MED13L: variants seen among roughly 807,000 people sequenced by gnomAD.
The protein encoded by MED13L is mediator of RNA polymerase II transcription subunit 13-like.
Under a neutral mutation model 220.9 loss-of-function variants are expected in MED13L, and 7 were observed. That is an observed-to-expected ratio of 0.03 (90% CI 0.02 to 0.06). MED13L has a LOEUF of 0.06. MED13L is among the 10% of genes least tolerant of loss of function. MED13L has a pLI of 1.00. For missense variants in MED13L, 1,965 were observed against 2,760.5 expected (o/e 0.71, Z 6.46); for synonymous variants, 1,011 against 1,015.2 (o/e 1.00, Z 0.08).
At chr12:115,968,055 C>A (rs1390554257) in intron 28 of MED13L, among the ~76,000 whole-genome samples, 1 of 35,706 alleles carries the variant, frequency 2.8e-5, no homozygotes, top group African/African-American at 1.4e-4. Context: ...AATAAAAGTC[C>A]CCCCCCCCCC....
At chr12:116,204,348 G>A (rs189448474) in intron 2 of MED13L, among the ~76,000 whole-genome samples, 34 of 152,314 alleles carry the variant, frequency 2.2e-4, no homozygotes, top group Admixed American at 1.2e-3. Flanking sequence ...CTGAATTGCT[G>A]TATTCCATGA....
chr12:116,236,797 A>G (rs1253175895), intron 2 of MED13L: 1 of 954,910 alleles, frequency 1.0e-6, no homozygotes, highest in African/African-American at 1.8e-5. Flanking sequence ...TATATAAAGC[A>G]GCACAGAAAA....
chr12:115,982,977 T>C (rs1043764409), intron 21 of MED13L, 140 bp downstream of exon 21: 2 of 885,270 alleles, frequency 2.3e-6, no homozygotes, highest in East Asian at 2.6e-5. Context: ...AGATCGACCA[T>C]TGCCCCTTTC....
chr12:116,059,566 C>T (rs578218855), intron 4 of MED13L, among the ~76,000 whole-genome samples: 7 of 151,796 alleles, frequency 4.6e-5, no homozygotes, highest in South Asian at 2.1e-4. Context: ...TACAGACGCC[C>T]GCCACCATGC....
intron 18 of MED13L, 48 bp from the exon 19 acceptor site, chr12:115,986,537 A>G: frequency 6.4e-7 from 1 of 1,570,994 alleles, no homozygotes; most frequent in Non-Finnish European, 8.7e-7. Flanking sequence ...TTTTTCCCAC[A>G]ACCTTACAAT....
chr12:115,983,730 T>C (rs1455262082), intron 20 of MED13L, among the ~76,000 whole-genome samples, 190 bp from the exon 21 acceptor site: 1 of 152,202 alleles, frequency 6.6e-6, no homozygotes, highest in Non-Finnish European at 1.5e-5. Flanking sequence ...ATGGAGCAAC[T>C]TATAAATTCT....
chr12:116,084,757 G>C (rs553510329), intron 4 of MED13L, among the ~76,000 whole-genome samples: 103 of 150,000 alleles, frequency 6.9e-4, no homozygotes, highest in African/African-American at 2.4e-3. Flanking sequence ...CTGGGTGACA[G>C]AGCAGGACCC....
chr12:115,984,951 T>C (rs189765100), intron 19 of MED13L, among the ~76,000 whole-genome samples: 2 of 151,982 alleles, frequency 1.3e-5, no homozygotes, highest in African/African-American at 4.8e-5. Context: ...GCAGGGAATA[T>C]AATAAACCTG....
intron 2 of MED13L, among the ~76,000 whole-genome samples, chr12:116,236,438 T>C (rs1870089300): frequency 6.6e-6 from 1 of 152,040 alleles, no homozygotes; most frequent in East Asian, 1.9e-4. Flanking sequence ...AGGAAATCCT[T>C]CAGGCAAATG....
intron 2 of MED13L, among the ~76,000 whole-genome samples, chr12:116,185,458 A>G (rs555344168): frequency 2.0e-5 from 3 of 152,120 alleles, no homozygotes; most frequent in South Asian, 2.1e-4. Flanking sequence ...TTGTAAGACT[A>G]TAACTGCTAT....
chr12:116,035,792 C>A (rs1036436708), intron 4 of MED13L, among the ~76,000 whole-genome samples: 2 of 151,882 alleles, frequency 1.3e-5, no homozygotes, highest in Non-Finnish European at 2.9e-5. Flanking sequence ...GGTTTTGCTA[C>A]GTTGCCCAGG....
At chr12:116,176,005 G>A (rs1053411637) in intron 2 of MED13L, among the ~76,000 whole-genome samples, 3 of 152,082 alleles carry the variant, frequency 2.0e-5, no homozygotes, top group Admixed American at 6.5e-5. Context: ...CAAAAGTCTC[G>A]ATCCCAGACA....
At chr12:116,195,479 A>G (rs1281317463) in intron 2 of MED13L, among the ~76,000 whole-genome samples, 1 of 152,130 alleles carries the variant, frequency 6.6e-6, no homozygotes, top group East Asian at 1.9e-4. Flanking sequence ...TTTTTGAGAT[A>G]GAGTCTGGCT....
In MED13L at chr12:116,022,443, C is replaced by A. The variant is rs772974377; in HGVS notation, c.625+13G>T. 3 of 1,613,462 alleles carry A rather than the reference C, an allele frequency of 1.9e-6. No homozygotes were observed. The highest frequency in any genetic ancestry group is 1.7e-6 in the Non-Finnish European group (2 of 1,179,650). Reference sequence around the variant, plus strand: ...GGCGGATAGGGGTGGAGAGCAGGAACACCCATACTTACCTTGAAATGGTGC... The same window carrying A: ...GGCGGATAGGGGTGGAGAGCAGGAAAACCCATACTTACCTTGAAATGGTGC... On this transcript the variant is annotated intron_variant, in intron 5 of 30. Transcript: ENST00000281928.
chr12:116,125,963 A>G (rs1436850863), intron 2 of MED13L, among the ~76,000 whole-genome samples: 2 of 152,240 alleles, frequency 1.3e-5, no homozygotes, highest in Non-Finnish European at 2.9e-5. Context: ...GACAGAATGT[A>G]CAATTCTCCC....
chr12:116,066,038 T>C (rs900714137), intron 4 of MED13L, among the ~76,000 whole-genome samples: 3 of 152,208 alleles, frequency 2.0e-5, no homozygotes, highest in Non-Finnish European at 2.9e-5. Context: ...ACAAAGGTGA[T>C]AGACTGTAAA....
At chr12:116,222,004 T>C (rs1377378883) in intron 2 of MED13L, among the ~76,000 whole-genome samples, 3 of 152,186 alleles carry the variant, frequency 2.0e-5, no homozygotes, top group Admixed American at 6.5e-5. Context: ...TAAGACTATA[T>C]TGACAATGCT....
In MED13L at chr12:115,997,247, A is replaced by G; in HGVS notation, c.2570-17T>C. ...CTGCAACTGCTAAAAATAAGAAATA[A>G]AAAAAATTTGTTTAATAGGAAGGGC... On this transcript the variant is annotated splice_polypyrimidine_tract_variant and intron_variant, in intron 14 of 30. Coordinates refer to ENST00000281928, the MANE Select transcript of MED13L (RefSeq NM_015335.5). 1 of 1,611,560 alleles carries G rather than the reference A, an allele frequency of 6.2e-7. No individual in the cohort carries two copies. Among genetic ancestry groups the G allele is most frequent in the Non-Finnish European group, 8.5e-7 (1 of 1,178,286 alleles).
chr12:116,072,151 A>G (rs1870422149), intron 4 of MED13L, among the ~76,000 whole-genome samples: 3 of 152,216 alleles, frequency 2.0e-5, no homozygotes, highest in Non-Finnish European at 4.4e-5. Context: ...CACAGTACAC[A>G]AGTAGACACA....
Sources: allele counts gnomAD v4.1 joint callset (sites outside exome capture counted in the v4.1 genomes callset), GRCh38; gene constraint gnomAD v4.1.1; transcripts MANE v1.5; gene names NCBI Gene and HGNC (gene_info 2026-07-23, HGNC 2026-07-21).